The following CPED1 variants were observed in gnomAD, a reference collection of about 807,000 sequenced individuals.
CPED1 encodes the protein cadherin like and PC-esterase domain containing 1.
CPED1 carries 114 observed loss-of-function variants against 128.2 expected under a neutral mutation model. That is an observed-to-expected ratio of 0.89 (90% CI 0.76 to 1.04). The LOEUF (loss-of-function observed/expected upper bound fraction) is 1.04, where lower values mean the gene tolerates loss of function less well. Ranked by LOEUF, CPED1 falls within the 50% of genes least tolerant of loss-of-function variation. The pLI, the probability that CPED1 is intolerant of heterozygous loss-of-function variation, is 0.00. For synonymous variants in CPED1, 462 were observed against 426.7 expected, an observed-to-expected ratio of 1.08 and a Z score of -1.02; for missense variants, 1,211 against 1,207.1, an observed-to-expected ratio of 1.00 and a Z score of -0.05.
intron 2 of CPED1, among the ~76,000 whole-genome samples, chr7:121,004,055 G>T (rs996493052): frequency 2.0e-5 from 3 of 152,176 alleles, no homozygotes; most frequent in Non-Finnish European, 2.9e-5. Flanking sequence ...CCAGGTATGT[G>T]CCTCTATCCT....
chr7:121,133,663 G>A (rs932592345), intron 12 of CPED1, among the ~76,000 whole-genome samples, 160 bp from the exon 13 acceptor site: 1 of 152,044 alleles, frequency 6.6e-6, no homozygotes, highest in African/African-American at 2.4e-5. Context: ...CTTCCTTTGA[G>A]GGTAGATTGC....
At chr7:121,004,153 C>T (rs1045245875) in intron 2 of CPED1, among the ~76,000 whole-genome samples, 1 of 152,144 alleles carries the variant, frequency 6.6e-6, no homozygotes. Flanking sequence ...GGCTATCCAT[C>T]CTTAACCATC....
intron 14 of CPED1, among the ~76,000 whole-genome samples, chr7:121,138,528 A>G (rs7790117): frequency 0.99 from 150,945 of 152,154 alleles, 74,885 homozygotes; most frequent in Middle Eastern, 1. Context: ...GAAACCAAAA[A>G]TAAGCACTTG....
At chr7:121,281,686 T>G (rs1259912597) in intron 22 of CPED1, among the ~76,000 whole-genome samples, 4 of 152,220 alleles carry the variant, frequency 2.6e-5, no homozygotes, top group African/African-American at 9.6e-5. Flanking sequence ...AAACTCCATT[T>G]AGCTCCAAAA....
intron 16 of CPED1, among the ~76,000 whole-genome samples, chr7:121,209,038 T>C (rs1797585265): frequency 6.6e-6 from 1 of 152,076 alleles, no homozygotes; most frequent in South Asian, 2.1e-4. Context: ...TTCCAAGGAA[T>C]GATTTTGTTG....
Position 121,256,999 on chromosome 7 carries a change from T to A in CPED1, c.2311-9228T>A, listed in dbSNP as rs373526007. On this transcript the variant is annotated intron_variant, in intron 18 of 22. Coordinates refer to ENST00000310396, the MANE Select transcript of CPED1 (RefSeq NM_024913.5). ...AAATAAAATACTACATTTTCTCACT[T>A]GTAAGTGAGAGCTAAACATTAAGCA... 1.1e-4 allele frequency among the ~76,000 whole-genome samples: 16 copies of A among 152,092 alleles called. No individual in the cohort carries two copies. The East Asian group carries it at 3.1e-3, about 29-fold the overall frequency.
Position 121,293,605 on chromosome 7 carries a change from T to C in CPED1, c.2869-1835T>C, listed in dbSNP as rs547371859. ...AGTGTGTGCCCAAATGGCTGCCCCA[T>C]TTTGTGCTTGAAACCCAGGGCCCTG... is the stretch of plus-strand genomic sequence containing the variant. On this transcript the variant is annotated intron_variant, in intron 22 of 22. Coordinates refer to ENST00000310396, the MANE Select transcript of CPED1 (RefSeq NM_024913.5). Among the ~76,000 whole-genome samples, 4 of 152,192 alleles carry C rather than the reference T, an allele frequency of 2.6e-5. No homozygotes were observed. The South Asian group carries it at 8.3e-4, about 32-fold the overall frequency.
intron 2 of CPED1, among the ~76,000 whole-genome samples, chr7:121,014,274 C>T (rs868177377): frequency 1.2e-4 from 18 of 152,212 alleles, no homozygotes; most frequent in Middle Eastern, 6.8e-3. Context: ...AGAATTGGGC[C>T]GGGTGCGGTG....
chr7:121,248,717 C>G (rs1798598992), intron 18 of CPED1, among the ~76,000 whole-genome samples: 1 of 151,198 alleles, frequency 6.6e-6, no homozygotes, highest in Non-Finnish European at 1.5e-5. Flanking sequence ...TTTAAAGGAA[C>G]ACTAACTCTC....
intron 18 of CPED1, chr7:121,261,591 G>A: frequency 6.3e-7 from 1 of 1,593,882 alleles, no homozygotes; most frequent in Non-Finnish European, 8.5e-7. Context: ...TCCAGCGCTG[G>A]CCCATAGAAA....
intron 22 of CPED1, among the ~76,000 whole-genome samples, chr7:121,278,298 G>A (rs1362432912): frequency 6.6e-6 from 1 of 152,136 alleles, no homozygotes; most frequent in Non-Finnish European, 1.5e-5. Context: ...CTGAGGAGCA[G>A]GTTGAGGATT....
At chr7:121,116,981 CACACACACACATATATAT>C (rs1430776906) in intron 7 of CPED1, among the ~76,000 whole-genome samples, 6 of 147,318 alleles carry the variant, frequency 4.1e-5, no homozygotes, top group African/African-American at 1.0e-4. Context: ...TATATATACA[CACACACACACATATATAT>C]ACACACACAC....
intron 14 of CPED1, among the ~76,000 whole-genome samples, chr7:121,139,391 A>AG (rs1795851658): frequency 6.6e-6 from 1 of 151,398 alleles, no homozygotes. Flanking sequence ...AGAAATATAT[A>AG]GGGTTTTTTT....
At chr7:121,074,509 G>GTGTTTTTTTTTTTTTTTTTTTT (rs1246517373) in intron 5 of CPED1, among the ~76,000 whole-genome samples, 1 of 80,838 alleles carries the variant, frequency 1.2e-5, no homozygotes, top group African/African-American at 4.5e-5. Context: ...TTTCCTTTGT[G>GTGTTTTTTTTTTTTTTTTTTTT]TTTTTTTTTT....
chr7:121,121,696 T>C (rs958787149), intron 7 of CPED1, among the ~76,000 whole-genome samples: 6 of 152,202 alleles, frequency 3.9e-5, no homozygotes, highest in Non-Finnish European at 8.8e-5. Flanking sequence ...TGTTTTAAAT[T>C]AGGAGGAAAG....
At chr7:121,083,401 C>T (rs1002419988) in intron 5 of CPED1, among the ~76,000 whole-genome samples, 1 of 152,106 alleles carries the variant, frequency 6.6e-6, no homozygotes, top group African/African-American at 2.4e-5. Flanking sequence ...AGCTGTCCTT[C>T]TGGTCTTCTT....
At chr7:121,044,382 T>TA (rs1793135208) in intron 3 of CPED1, among the ~76,000 whole-genome samples, 1 of 152,138 alleles carries the variant, frequency 6.6e-6, no homozygotes, top group Non-Finnish European at 1.5e-5. Context: ...TAGACCGTGC[T>TA]AGCAAGCATT....
chr7:121,107,276 TTCATCAC>T (rs1795001335), intron 7 of CPED1, among the ~76,000 whole-genome samples: 1 of 152,130 alleles, frequency 6.6e-6, no homozygotes, highest in Non-Finnish European at 1.5e-5. Flanking sequence ...GCTTAACTTT[TTCATCAC>T]TGTGGTAATG....
intron 2 of CPED1, among the ~76,000 whole-genome samples, chr7:120,990,908 G>A (rs978169894): frequency 1.3e-5 from 2 of 152,194 alleles, no homozygotes; most frequent in African/African-American, 4.8e-5. Flanking sequence ...TTTCGTTTCA[G>A]ACTACTGCCC....
Sources: gnomAD v4.1 joint callset for allele counts (sites outside exome capture counted in the v4.1 genomes callset) on GRCh38, gnomAD v4.1.1 for gene constraint, MANE v1.5 for transcripts, NCBI Gene and HGNC (gene_info 2026-07-23, HGNC 2026-07-21) for gene names.